The following U2AF2 variants were observed in gnomAD, a reference collection of about 807,000 sequenced individuals.
The protein encoded by U2AF2 is U2 small nuclear RNA auxiliary factor 2.
In U2AF2, 6 loss-of-function variants were observed where a neutral mutation model predicts 52.6. The ratio of observed to expected loss-of-function variants is 0.11; its 90% CI spans 0.06 to 0.23. U2AF2 has a LOEUF of 0.23. Among genes scored for constraint, U2AF2 ranks in the 10% least tolerant of loss-of-function variants. U2AF2 has a pLI of 1.00. For synonymous variants in U2AF2, 284 were observed against 258.2 expected (o/e 1.10, Z -0.96); for missense variants, 222 against 677.1 (o/e 0.33, Z 7.46).
chr19:55,669,128 C>T lies in U2AF2; in HGVS notation c.991C>T (p.Leu331=), dbSNP rs549845052. Residue 331 remains leucine (L), a synonymous_variant, in exon 10 of 12, where the codon CTG becomes TTG. Coordinates refer to ENST00000308924, the MANE Select transcript of U2AF2 (RefSeq NM_007279.3). ...NGMQLGDKKL[L]VQRASVGAKN... is the part of the protein sequence containing the mutation. Reference sequence around the variant, plus strand: ...CATGCAGCTGGGGGATAAGAAGCTGCTGGTCCAGAGGGCGAGTGTGGGAGC... The same window carrying T: ...CATGCAGCTGGGGGATAAGAAGCTGTTGGTCCAGAGGGCGAGTGTGGGAGC... 4 of 1,613,934 alleles carry T rather than the reference C, an allele frequency of 2.5e-6. No individual in the cohort carries two copies. The African/African-American group carries it at 4.0e-5, about 16-fold the overall frequency.
chr19:55,666,186 C>G (rs1984539929), intron 7 of U2AF2, among the ~76,000 whole-genome samples: 1 of 152,230 alleles, frequency 6.6e-6, no homozygotes, highest in Non-Finnish European at 1.5e-5. Context: ...CAGGCGCCCC[C>G]TGCACCAAGA....
Position 55,661,069 on chromosome 19 carries a change from C to A in U2AF2, c.366C>A (p.Leu122=). 1 of 1,595,344 alleles carries A rather than the reference C, an allele frequency of 6.3e-7. No individual in the cohort carries two copies. The highest frequency in any genetic ancestry group is 8.6e-7 in the Non-Finnish European group (1 of 1,165,372). The change falls in exon 5 of 12, where the codon CTC becomes CTA. Residue 122 remains leucine (L), a synonymous_variant. Transcript: ENST00000308924. ...AAGQIPATAL[L]PTMTPDGLAV... ...GTCAGATTCCAGCCACTGCTCTTCT[C>A]CCCACCATGACCCCTGACGGTCTGG...
rs1485980952 is a variant in U2AF2 at position 55,668,523 on chromosome 19, G to T, written c.759G>T (p.Val253=). 2.5e-6 allele frequency: 4 copies of T among 1,604,156 alleles called. No individual in the cohort carries two copies. In the East Asian group the frequency reaches 8.9e-5, roughly 36 times the overall value. Residue 253 remains valine (V), a synonymous_variant, in exon 8 of 12, where the codon GTG becomes GTT. Transcript: ENST00000308924. This position sits in a 1 kb window ranked among gnomAD's most constrained non-coding sequence, Gnocchi z 5.5. ...TACCCATAGGGGTTGTGTCCACTGTGGTCCCCGACTCTGCCCACAAGCTGT... is the reference window on the plus strand; with the variant it reads ...TACCCATAGGGGTTGTGTCCACTGTTGTCCCCGACTCTGCCCACAAGCTGT... ...SVYVPGVVST[V]VPDSAHKLFI...
intron 7 of U2AF2, among the ~76,000 whole-genome samples, chr19:55,667,887 G>A (rs1439990802): frequency 6.6e-6 from 1 of 151,752 alleles, no homozygotes; most frequent in African/African-American, 2.4e-5. Flanking sequence ...CTGGGTTCAC[G>A]CCATTCTTCT....
intron 5 of U2AF2, among the ~76,000 whole-genome samples, chr19:55,661,499 GACAC>G (rs59262812): frequency 0.13 from 19,499 of 144,998 alleles, 1,339 homozygotes; most frequent in Middle Eastern, 0.21. Flanking sequence ...GGGAGACTTG[GACAC>G]ACACACACAC....
intron 7 of U2AF2, among the ~76,000 whole-genome samples, chr19:55,666,510 G>A (rs532677007): frequency 3.3e-4 from 50 of 152,326 alleles, no homozygotes; most frequent in African/African-American, 1.2e-3. Context: ...GGGCTGGGTG[G>A]GTCCTGTTGT....
At chr19:55,655,262 C>A (rs547162552) in intron 1 of U2AF2, 109 bp downstream of exon 1, 2 of 1,221,806 alleles carry the variant, frequency 1.6e-6, no homozygotes, top group East Asian at 2.9e-5. Flanking sequence ...CCGCGCGGCG[C>A]CCCCCAACCC....
chr19:55,667,679 C>T (rs73615090), intron 7 of U2AF2, among the ~76,000 whole-genome samples: 2,489 of 152,272 alleles, frequency 0.016, 78 homozygotes, highest in African/African-American at 0.057. Flanking sequence ...TGAGACTTCC[C>T]GGGCAGCCGC....
chr19:55,660,172 C>T lies in U2AF2; in HGVS notation c.186-5C>T, dbSNP rs912595525. The T allele has an allele frequency of 6.2e-7, 1 of 1,608,928 alleles. No individual in the cohort carries two copies. ...CTCCCCATACCTTTCCCTCCCACCC[C>T]CCAGCAAACCTTTGACCAGAGGCGC... On this transcript the variant is annotated splice_region_variant and splice_polypyrimidine_tract_variant and intron_variant, in intron 2 of 11. Transcript: ENST00000308924.
In U2AF2 at chr19:55,659,278, C is replaced by G. The variant is rs370104184; in HGVS notation, c.118C>G (p.Arg40Gly). ...SRSRSRDRKR[R>G]SRSRDRRNRD... ...CTCTCGGAGCCGGGACCGCAAACGC[C>G]GGAGCCGGAGCCGCGACCGGCGCAA... Residue 40 changes from arginine (R) to glycine (G), a missense_variant, in exon 2 of 12, where the codon CGG becomes GGG. Physicochemically the swap from Arg to Gly is moderately radical, Grantham distance 125. Transcript: ENST00000308924. 1 of 1,601,462 alleles carries G rather than the reference C, an allele frequency of 6.2e-7. No homozygotes were observed. The highest frequency in any genetic ancestry group is 1.7e-5 in the Admixed American group (1 of 59,138).
At chr19:55,661,321 CGGA>C in intron 5 of U2AF2, 132 bp downstream of exon 5, 1 of 1,062,820 alleles carries the variant, frequency 9.4e-7, no homozygotes, top group Non-Finnish European at 1.3e-6. Flanking sequence ...CCCTCCCAGA[CGGA>C]CCGATGGAGT....
rs1434665622 is a variant in U2AF2 at position 55,659,341 on chromosome 19, C to T, written c.181C>T (p.Arg61Cys). The stretch of plus-strand genomic sequence containing the variant: ...GAGCGCCTCCCGGGACAGGCGACGA[C>T]GCAGGTACTAGGGCTCAGGGATCCC... Reference protein sequence around the residue: ...QRSASRDRRRRSKPLTRGAKE... With the variant: ...QRSASRDRRRCSKPLTRGAKE... Residue 61 changes from arginine (R) to cysteine (C), a missense_variant, in exon 2 of 12, where the codon CGC (arginine) becomes TGC (cysteine). Transcript: ENST00000308924. 1.3e-6 allele frequency: 2 copies of T among 1,529,728 alleles called. No individual in the cohort carries two copies. Among genetic ancestry groups the T allele is most frequent in the African/African-American group, 1.4e-5 (1 of 72,218 alleles). 94.8% of individuals were successfully genotyped at this position (1,529,728 alleles called of 1,614,324 possible). A position where few individuals can be genotyped will look rare whatever the true frequency, so the allele number is the denominator to read the frequency against.
intron 7 of U2AF2, among the ~76,000 whole-genome samples, chr19:55,667,990 G>A (rs1327562995): frequency 6.6e-6 from 1 of 152,056 alleles, no homozygotes; most frequent in Non-Finnish European, 1.5e-5. Flanking sequence ...TCACCATGTT[G>A]GACAGGATGG....
At position 55,660,165 on chromosome 19, in the gene U2AF2, C is replaced by T; in HGVS notation, c.186-12C>T. On this transcript the variant is annotated splice_polypyrimidine_tract_variant and intron_variant, in intron 2 of 11. Coordinates refer to ENST00000308924, the MANE Select transcript of U2AF2 (RefSeq NM_007279.3). Reference sequence around the variant, plus strand: ...GTCACCCCTCCCCATACCTTTCCCTCCCACCCCCCAGCAAACCTTTGACCA... The same window carrying T: ...GTCACCCCTCCCCATACCTTTCCCTTCCACCCCCCAGCAAACCTTTGACCA... 1.3e-6 allele frequency: 2 copies of T among 1,573,390 alleles called. No homozygotes were observed. Among genetic ancestry groups the T allele is most frequent in the Non-Finnish European group, 1.7e-6 (2 of 1,149,308 alleles).
At chr19:55,666,293 C>T (rs1457633246) in intron 7 of U2AF2, among the ~76,000 whole-genome samples, 1 of 152,228 alleles carries the variant, frequency 6.6e-6, no homozygotes, top group East Asian at 1.9e-4. Context: ...CCCCACACAG[C>T]CTCTGCTCCA....
Position 55,674,234 on chromosome 19 carries a change from GGGGGGT to G in U2AF2, c.*167_*172del, listed in dbSNP as rs1985138969. 8.7e-6 allele frequency: 4 copies of G among 459,042 alleles called. No homozygotes were observed. The African/African-American group carries it at 1.5e-4, about 17-fold the overall frequency. The allele number at this position is 459,042 out of a possible 1,614,324, so 28.4% of individuals were successfully genotyped here. A position where few individuals can be genotyped will look rare whatever the true frequency, so the allele number is the denominator to read the frequency against. On this transcript the variant is annotated 3_prime_UTR_variant, in exon 12 of 12. Coordinates refer to ENST00000308924, the MANE Select transcript of U2AF2 (RefSeq NM_007279.3). ...CAATTAAGGGTGGGGGGCGGGGGTT[GGGGGGT>G]TGGGGGGTTAGGGCAGGGAGGGGAC...
At chr19:55,670,794 A>C (rs1237861994) in intron 11 of U2AF2, 1 of 174,960 alleles carries the variant, frequency 5.7e-6, no homozygotes, top group East Asian at 1.9e-4. Context: ...CACGCCTGGC[A>C]GATGGAAATG....
intron 5 of U2AF2, 126 bp downstream of exon 5, chr19:55,661,315 C>T (rs1984175893): frequency 9.2e-7 from 1 of 1,090,032 alleles, no homozygotes; most frequent in Non-Finnish European, 1.2e-6. Flanking sequence ...CCGGCCCCCT[C>T]CCAGACGGAC....
intron 1 of U2AF2, among the ~76,000 whole-genome samples, chr19:55,658,642 C>T (rs1253499221): frequency 6.6e-6 from 1 of 152,114 alleles, no homozygotes; most frequent in Non-Finnish European, 1.5e-5. Context: ...TCTCCGAGGC[C>T]CTTCTCTTCC....
Sources: allele counts gnomAD v4.1 joint callset (sites outside exome capture counted in the v4.1 genomes callset), GRCh38; gene constraint gnomAD v4.1.1; non-coding constraint Gnocchi (gnomAD v3.1); transcripts MANE v1.5; gene names NCBI Gene and HGNC (gene_info 2026-07-23, HGNC 2026-07-21).